RIMS2: variants seen among roughly 807,000 people sequenced by gnomAD.
The protein encoded by RIMS2 is regulating synaptic membrane exocytosis 2.
In RIMS2, 59 loss-of-function variants were observed where a neutral mutation model predicts 174.4. The ratio of observed to expected loss-of-function variants is 0.34; its 90% CI spans 0.27 to 0.42. The LOEUF (loss-of-function observed/expected upper bound fraction) is 0.42. Ranked by LOEUF, RIMS2 falls within the 10% of genes least tolerant of loss-of-function variation. The pLI is 1.00. For synonymous variants in RIMS2, 606 were observed against 572.5 expected (o/e 1.06, Z -0.84); for missense variants, 1,620 against 1,666.3 (o/e 0.97, Z 0.48).
chr8:103,587,468 G>GAAAGAAAGAAA (rs35539559), intron 1 of RIMS2, among the ~76,000 whole-genome samples: 3,872 of 96,378 alleles, frequency 0.04, 111 homozygotes, highest in Non-Finnish European at 0.047. Flanking sequence ...AAGAAAGAAA[G>GAAAGAAAGAAA]AAACTATGCA....
At chr8:103,578,523 C>G (rs544994075) in intron 1 of RIMS2, among the ~76,000 whole-genome samples, 1 of 151,782 alleles carries the variant, frequency 6.6e-6, no homozygotes, top group South Asian at 2.1e-4. Context: ...AGAGTGAGCT[C>G]CTGTCAAAAC....
chr8:103,971,346 A>G (rs956208512), intron 15 of RIMS2, among the ~76,000 whole-genome samples: 1 of 152,158 alleles, frequency 6.6e-6, no homozygotes, highest in Non-Finnish European at 1.5e-5. Context: ...CTTAAACTCA[A>G]TAATCAGACT....
chr8:104,155,987 T>C (rs897461308), intron 19 of RIMS2, among the ~76,000 whole-genome samples: 1 of 152,216 alleles, frequency 6.6e-6, no homozygotes, highest in African/African-American at 2.4e-5. Context: ...ATACTTTACA[T>C]GGCCTATGGT....
At chr8:104,132,841 A>G (rs1312677003) in intron 19 of RIMS2, among the ~76,000 whole-genome samples, 1 of 152,306 alleles carries the variant, frequency 6.6e-6, no homozygotes, top group South Asian at 2.1e-4. Flanking sequence ...AGTCTCTGCC[A>G]GCAGTTCTCA....
chr8:104,122,221 T>C (rs1324934555), intron 19 of RIMS2, among the ~76,000 whole-genome samples: 1 of 151,864 alleles, frequency 6.6e-6, no homozygotes, highest in African/African-American at 2.4e-5. Context: ...TATGTGGAGA[T>C]TTAAGAGTTC....
rs2099102973 is a variant in RIMS2 at position 103,870,068 on chromosome 8, T to C, written c.699-15230T>C. Among the ~76,000 whole-genome samples the C allele has an allele frequency of 2.6e-5, 4 of 152,116 alleles. No individual in the cohort carries two copies. In the South Asian group the frequency reaches 8.3e-4, roughly 32 times the overall value. On this transcript the variant is annotated intron_variant, in intron 3 of 23. Transcript: ENST00000504942. ...ATTCTGTGAAATTGTTTATGTGTAC[T>C]AGGGGGTATCAGAGCCCAACTGGTA...
intron 2 of RIMS2, among the ~76,000 whole-genome samples, chr8:103,710,334 T>C (rs1236595902): frequency 6.6e-6 from 1 of 152,192 alleles, no homozygotes; most frequent in Admixed American, 6.5e-5. Context: ...TGTGGAGCCA[T>C]CCTTAACATT....
At chr8:103,605,352 A>T (rs2133929496) in intron 1 of RIMS2, among the ~76,000 whole-genome samples, 1 of 139,422 alleles carries the variant, frequency 7.2e-6, no homozygotes, top group East Asian at 2.0e-4. Flanking sequence ...GATGAAGCCC[A>T]CTTGATCATG....
At chr8:104,208,759 T>A (rs1271029361) in intron 19 of RIMS2, among the ~76,000 whole-genome samples, 1 of 152,096 alleles carries the variant, frequency 6.6e-6, no homozygotes, top group African/African-American at 2.4e-5. Context: ...GATGTAAATA[T>A]AATTTTAGAG....
intron 16 of RIMS2, 106 bp downstream of exon 18, chr8:103,975,612 G>A: frequency 2.8e-6 from 2 of 720,574 alleles, no homozygotes; most frequent in Non-Finnish European, 2.2e-6. Flanking sequence ...GAGTTTATTA[G>A]GGAGAATTGG....
chr8:103,971,026 C>G (rs146589104), intron 15 of RIMS2, among the ~76,000 whole-genome samples: 1 of 152,088 alleles, frequency 6.6e-6, no homozygotes, highest in African/African-American at 2.4e-5. Flanking sequence ...GTTTTCCCCC[C>G]CATAGTATAC....
intron 19 of RIMS2, among the ~76,000 whole-genome samples, chr8:104,211,244 T>C (rs187128401): frequency 1.4e-4 from 22 of 152,150 alleles, no homozygotes; most frequent in Non-Finnish European, 2.9e-5. Flanking sequence ...AAATATACCT[T>C]GCAATAATAT....
chr8:104,249,454 TA>T, intron 21 of RIMS2, 32 bp from the exon 28 acceptor site: 2 of 1,181,734 alleles, frequency 1.7e-6, no homozygotes, highest in Non-Finnish European at 2.5e-6. Context: ...ATTTGTATAT[TA>T]AAGCACATTT....
At chr8:103,596,312 GCCAATTAATTTAAGTGATCA>G (rs2094475993) in intron 1 of RIMS2, among the ~76,000 whole-genome samples, 1 of 151,878 alleles carries the variant, frequency 6.6e-6, no homozygotes, top group Non-Finnish European at 1.5e-5. Context: ...TTAGGTGATC[GCCAATTAATTTAAGTGATCA>G]CCAATTAAGA....
At chr8:104,105,343 G>A (rs952586941) in intron 19 of RIMS2, among the ~76,000 whole-genome samples, 1 of 152,244 alleles carries the variant, frequency 6.6e-6, no homozygotes, top group South Asian at 2.1e-4. Flanking sequence ...AGAAGGATAA[G>A]TATTTGTTAC....
intron 1 of RIMS2, among the ~76,000 whole-genome samples, chr8:103,583,571 A>G (rs529076981): frequency 2.0e-5 from 3 of 152,334 alleles, no homozygotes; most frequent in East Asian, 1.9e-4. Context: ...TCAGAATTCT[A>G]TCAGATAAAT....
At position 104,103,915 on chromosome 8, in the gene RIMS2, G is replaced by A. The variant is rs576427775; in HGVS notation, c.3334+89300G>A. ...CTTCACAGTCACTATATGGGACCCT[G>A]CAAGTGACAAATTTGAGGCTAGGTA... On this transcript the variant is annotated intron_variant, in intron 19 of 23. Coordinates refer to ENST00000504942, the Ensembl canonical transcript of RIMS2. 3.3e-5 allele frequency among the ~76,000 whole-genome samples: 5 copies of A among 152,250 alleles called. No individual in the cohort carries two copies. The South Asian group carries it at 6.2e-4, about 19-fold the overall frequency.
chr8:104,192,939 T>A (rs1167107282), intron 19 of RIMS2, among the ~76,000 whole-genome samples: 1 of 152,082 alleles, frequency 6.6e-6, no homozygotes, highest in Non-Finnish European at 1.5e-5. Flanking sequence ...AGATGTGCTG[T>A]TGATAAGAAA....
intron 2 of RIMS2, among the ~76,000 whole-genome samples, chr8:103,764,006 A>G (rs1023805072): frequency 8.5e-5 from 13 of 152,190 alleles, no homozygotes; most frequent in Admixed American, 4.6e-4. Flanking sequence ...TGGGGAAAAA[A>G]TATTGCTGGG....
Sources: gnomAD v4.1 joint callset for allele counts (sites outside exome capture counted in the v4.1 genomes callset) on GRCh38, gnomAD v4.1.1 for gene constraint, MANE v1.5 for transcripts, NCBI Gene and HGNC (gene_info 2026-07-23, HGNC 2026-07-21) for gene names.